Variants in KLF13 observed in about 807,000 individuals in gnomAD.
KLF13 encodes the protein KLF transcription factor 13.
Under a neutral mutation model 16.7 loss-of-function variants are expected in KLF13, and 8 were observed. That is an observed-to-expected ratio of 0.48 (90% CI 0.28 to 0.87). KLF13 has a LOEUF of 0.87. Ranked by LOEUF, KLF13 falls within the 40% of genes least tolerant of loss-of-function variation. The probability of loss-of-function intolerance (pLI) is 0.10; values close to 1 mark genes in which losing one functional copy is unlikely to be tolerated. For synonymous variants in KLF13, 245 were observed against 208.4 expected (o/e 1.18, Z -1.51); for missense variants, 447 against 452.2 (o/e 0.99, Z 0.10).
At chr15:31,346,464 C>CA (rs1305483506) in intron 1 of KLF13, among the ~76,000 whole-genome samples, 3 of 152,228 alleles carry the variant, frequency 2.0e-5, no homozygotes, top group Non-Finnish European at 4.4e-5. Context: ...CGGCCACCCA[C>CA]ACAGCTGTGG....
In KLF13 at chr15:31,327,141, C is replaced by A; in HGVS notation, c.-72C>A. 1 of 1,226,266 alleles carries A rather than the reference C, an allele frequency of 8.2e-7. No individual in the cohort carries two copies. The highest frequency in any genetic ancestry group is 1.0e-6 in the Non-Finnish European group (1 of 978,794). The allele number at this position is 1,226,266 out of a possible 1,614,324, so 76.0% of individuals were successfully genotyped here. ...GCGCCCCCGCCCCCCGCCCGCTCTC[C>A]CGAGGCCGTGGGTGCGGATGCGCGG... On this transcript the variant is annotated 5_prime_UTR_variant, in exon 1 of 2. Coordinates refer to ENST00000307145, the MANE Select transcript of KLF13 (RefSeq NM_015995.4).
chr15:31,350,494 A>T (rs750489443), intron 1 of KLF13, among the ~76,000 whole-genome samples: 1 of 152,244 alleles, frequency 6.6e-6, no homozygotes, highest in Non-Finnish European at 1.5e-5. Flanking sequence ...TTCCGTCTTC[A>T]CCAAACTCTT....
At chr15:31,341,273 A>G (rs1056406065) in intron 1 of KLF13, among the ~76,000 whole-genome samples, 1 of 152,150 alleles carries the variant, frequency 6.6e-6, no homozygotes, top group Non-Finnish European at 1.5e-5. Flanking sequence ...GGGTCTGGTC[A>G]TGCTGCCTCT....
At chr15:31,405,484 G>A (rs2040115045), downstream of KLF13, among the ~76,000 whole-genome samples, 1 of 152,240 alleles carries the variant, frequency 6.6e-6, no homozygotes, top group African/African-American at 2.4e-5. Context: ...GGAACTGTGA[G>A]AAATGAATTT....
intron 1 of KLF13, among the ~76,000 whole-genome samples, chr15:31,419,017 G>A (rs2040289188): frequency 6.6e-6 from 1 of 152,160 alleles, no homozygotes; most frequent in African/African-American, 2.4e-5. Context: ...CAGCTGTACA[G>A]GAAGCTTGGT....
At chr15:31,391,764 C>T (rs559779986), upstream of KLF13, among the ~76,000 whole-genome samples, 2,197 of 152,222 alleles carry the variant, frequency 0.014, 19 homozygotes, top group Non-Finnish European at 0.025. Context: ...CTGCGCTCCT[C>T]AGGCAGTCAG....
At chr15:31,420,657 CT>C (rs2040311108) in intron 1 of KLF13, 1 of 374,072 alleles carries the variant, frequency 2.7e-6, no homozygotes, top group Admixed American at 3.7e-5. Context: ...GCCAGGACCC[CT>C]GACCCAGGCT....
At chr15:31,351,223 G>A (rs1211594792) in intron 1 of KLF13, among the ~76,000 whole-genome samples, 2 of 152,174 alleles carry the variant, frequency 1.3e-5, no homozygotes, top group East Asian at 3.8e-4. Flanking sequence ...TCATTTGAGT[G>A]CCTGGCATTT....
intron 1 of KLF13, among the ~76,000 whole-genome samples, chr15:31,338,537 C>T (rs2038970237): frequency 6.6e-6 from 1 of 152,206 alleles, no homozygotes; most frequent in Non-Finnish European, 1.5e-5. Context: ...AAAGGCCGGT[C>T]TCTACAAGAG....
intron 2 of KLF13, among the ~76,000 whole-genome samples, chr15:31,399,000 C>T (rs539931584): frequency 6.6e-6 from 1 of 152,332 alleles, no homozygotes; most frequent in East Asian, 1.9e-4. Flanking sequence ...CTGTGTGTCC[C>T]TGGCAGAGTG....
chr15:31,420,161 A>G (rs2040304289), intron 1 of KLF13: 1 of 502,892 alleles, frequency 2.0e-6, no homozygotes, highest in South Asian at 1.7e-5. Context: ...AGCAGCCACT[A>G]GTGTCGTCGC....
intron 1 of KLF13, among the ~76,000 whole-genome samples, chr15:31,358,960 A>G (rs1371064816): frequency 6.6e-6 from 1 of 152,186 alleles, no homozygotes; most frequent in East Asian, 1.9e-4. Flanking sequence ...GCGTCACCCT[A>G]CCGTGCTCAG....
At chr15:31,356,538 C>T (rs922215833) in intron 1 of KLF13, among the ~76,000 whole-genome samples, 1 of 152,174 alleles carries the variant, frequency 6.6e-6, no homozygotes, top group Non-Finnish European at 1.5e-5. Flanking sequence ...GGCGACAGAG[C>T]GAGACTCCGT....
upstream of KLF13, among the ~76,000 whole-genome samples, chr15:31,388,605 C>CAA (rs5811640): frequency 1.4e-4 from 13 of 92,358 alleles, no homozygotes; most frequent in African/African-American, 3.5e-4. Context: ...AACTCTGTCT[C>CAA]AAAAAAAAAA....
At chr15:31,395,317 T>G (rs150719462) in intron 2 of KLF13, among the ~76,000 whole-genome samples, 3 of 152,310 alleles carry the variant, frequency 2.0e-5, no homozygotes, top group Non-Finnish European at 4.4e-5. Flanking sequence ...CTCTGTCGTA[T>G]GGATATACTA....
downstream of KLF13, among the ~76,000 whole-genome samples, chr15:31,382,114 C>A (rs1233127041): frequency 6.6e-6 from 1 of 152,222 alleles, no homozygotes; most frequent in Non-Finnish European, 1.5e-5. Context: ...ACTCAGGCCC[C>A]CAGGCCAGGC....
At chr15:31,425,263 T>C (rs2040387090) in intron 1 of KLF13, among the ~76,000 whole-genome samples, 1 of 152,164 alleles carries the variant, frequency 6.6e-6, no homozygotes, top group African/African-American at 2.4e-5. Flanking sequence ...ATGACATCTT[T>C]GAAGAAATAG....
intron 1 of KLF13, among the ~76,000 whole-genome samples, chr15:31,422,436 C>T (rs1566847659): frequency 6.6e-6 from 1 of 152,066 alleles, no homozygotes; most frequent in Non-Finnish European, 1.5e-5. Flanking sequence ...ACGGTAGATG[C>T]TTATAAAACC....
At chr15:31,428,342 T>C (rs2040424344) in intron 1 of KLF13, among the ~76,000 whole-genome samples, 1 of 152,208 alleles carries the variant, frequency 6.6e-6, no homozygotes, top group Non-Finnish European at 1.5e-5. Flanking sequence ...TTTTGTAATG[T>C]TAAGAAACTT....
Sources: allele counts gnomAD v4.1 joint callset (sites outside exome capture counted in the v4.1 genomes callset), GRCh38; gene constraint gnomAD v4.1.1; transcripts MANE v1.5; gene names NCBI Gene and HGNC (gene_info 2026-07-23, HGNC 2026-07-21).